Variants in PMVK observed in about 807,000 individuals in gnomAD.
The protein encoded by PMVK is phosphomevalonate kinase, also known as testis tissue sperm-binding protein Li 95mP.
PMVK carries 10 observed loss-of-function variants against 19.0 expected under a neutral mutation model. The observed-to-expected ratio is 0.53, with a 90% CI of 0.32 to 0.89. The LOEUF is 0.89. Ranked by LOEUF, PMVK falls within the 40% of genes least tolerant of loss-of-function variation. The pLI is 0.03. For synonymous variants in PMVK, 108 were observed against 101.6 expected, an observed-to-expected ratio of 1.06 and a Z score of -0.38; for missense variants, 222 against 251.1, an observed-to-expected ratio of 0.88 and a Z score of 0.78.
At chr1:154,926,752 A>T (rs1180328420) in intron 3 of PMVK, among the ~76,000 whole-genome samples, 1 of 152,198 alleles carries the variant, frequency 6.6e-6, no homozygotes, top group African/African-American at 2.4e-5. Flanking sequence ...TACGCTGGTC[A>T]CTGTGCTAGG....
Position 154,936,583 on chromosome 1 carries a change from A to C in PMVK, c.95+8T>G. 1 of 1,595,652 alleles carries C rather than the reference A, an allele frequency of 6.3e-7. No homozygotes were observed. The highest frequency in any genetic ancestry group is 8.5e-7 in the Non-Finnish European group (1 of 1,171,148). ...CTCCCCCTTCCACCTTTCCCGCCTC[A>C]CGGACACCTGCTCTGCAGCGCCTCG... On this transcript the variant is annotated splice_region_variant and intron_variant, in intron 1 of 4. Transcript: ENST00000368467.
intron 3 of PMVK, 30 bp downstream of exon 3, chr1:154,928,994 G>A (rs1404765358): frequency 6.2e-7 from 1 of 1,603,820 alleles, no homozygotes; most frequent in South Asian, 1.1e-5. Context: ...GGAAACAGGT[G>A]TTCTTCATGC....
chr1:154,936,497 G>T, intron 1 of PMVK, 94 bp downstream of exon 1: 1 of 1,520,752 alleles, frequency 6.6e-7, no homozygotes. Flanking sequence ...CGGACGACCC[G>T]TACTCCAAAG....
intron 2 of PMVK, among the ~76,000 whole-genome samples, chr1:154,930,418 G>A (rs2101969202): frequency 6.6e-6 from 1 of 152,290 alleles, no homozygotes; most frequent in South Asian, 2.1e-4. Context: ...CCAAGATCGT[G>A]CCACTGCACT....
In PMVK at chr1:154,925,076, G is replaced by A. The variant is rs1203770896; in HGVS notation, c.*53C>T. 1 of 1,464,956 alleles carries A rather than the reference G, an allele frequency of 6.8e-7. No individual in the cohort carries two copies. The highest frequency in any genetic ancestry group is 9.3e-7 in the Non-Finnish European group (1 of 1,079,988). The allele number at this position is 1,464,956 out of a possible 1,614,324, so 90.7% of individuals were successfully genotyped here. On this transcript the variant is annotated 3_prime_UTR_variant, in exon 5 of 5. Transcript: ENST00000368467. ...TCGGGGGACACCCCCATTTTGCAGAGTCAGCCCCACCCCCACCTCAGCAGG... is the reference window on the plus strand; with the variant it reads ...TCGGGGGACACCCCCATTTTGCAGAATCAGCCCCACCCCCACCTCAGCAGG...
At chr1:154,931,530 C>T (rs1654334843) in intron 2 of PMVK, among the ~76,000 whole-genome samples, 1 of 152,158 alleles carries the variant, frequency 6.6e-6, no homozygotes, top group African/African-American at 2.4e-5. Context: ...CTGTCCCCTC[C>T]CTGGGGGCAA....
intron 3 of PMVK, 70 bp from the exon 4 acceptor site, chr1:154,926,553 C>T: frequency 2.0e-6 from 3 of 1,472,502 alleles, no homozygotes; most frequent in African/African-American, 2.8e-5. Flanking sequence ...GGGAGGACTA[C>T]AGAACCCAGG....
In PMVK at chr1:154,936,680, G is replaced by A. The variant is rs1300566504; in HGVS notation, c.6C>T (p.Ala2=). 3 of 1,603,834 alleles carry A rather than the reference G, an allele frequency of 1.9e-6. No individual in the cohort carries two copies. The highest frequency in any genetic ancestry group is 2.2e-5 in the South Asian group (2 of 89,308). The change falls in exon 1 of 5, where the codon GCC becomes GCT. Residue 2 remains alanine (A), a synonymous_variant. Coordinates refer to ENST00000368467, the MANE Select transcript of PMVK (RefSeq NM_006556.4). ...CCAGCCGCGGGGCGCCTCCCAGCGG[G>A]GCCATGGGGCCGCCACGCCTCGCGA... M[A]PLGGAPRLVL...
chr1:154,941,601 G>A (rs1043281017), upstream of PMVK, among the ~76,000 whole-genome samples: 2 of 152,176 alleles, frequency 1.3e-5, no homozygotes, highest in African/African-American at 4.8e-5. Flanking sequence ...CAGCCAGCCA[G>A]TCCAGTGTGT....
At chr1:154,936,852 C>T, upstream of PMVK, 1 of 618,584 alleles carries the variant, frequency 1.6e-6, no homozygotes, top group Non-Finnish European at 2.9e-6. Context: ...ACCGTGCCCT[C>T]AGCTCATGTC....
At chr1:154,932,532 A>G in intron 1 of PMVK, 117 bp from the exon 2 acceptor site, 1 of 633,698 alleles carries the variant, frequency 1.6e-6, no homozygotes, top group Non-Finnish European at 2.7e-6. Context: ...GGTATTATGT[A>G]ACTTTGGTAG....
chr1:154,930,533 C>T lies in PMVK; in HGVS notation c.160-1357G>A, dbSNP rs566765660. Among the ~76,000 whole-genome samples the T allele has an allele frequency of 2.3e-3, 273 of 120,080 alleles. 1 individual carries two copies. Among genetic ancestry groups the T allele is most frequent in the Admixed American group, 4.3e-3 (47 of 10,806 alleles). The allele number at this position is 120,080 out of a possible 152,430, so 78.8% of individuals were successfully genotyped here. A position where few individuals can be genotyped will look rare whatever the true frequency, so the allele number is the denominator to read the frequency against. On this transcript the variant is annotated intron_variant, in intron 2 of 4. Coordinates refer to ENST00000368467, the MANE Select transcript of PMVK (RefSeq NM_006556.4). ...CTTCTTCCTCCCGCCCCCCACCCAA[C>T]CCCACCAGTCTCACTCAGTAGGACA...
Position 154,925,096 on chromosome 1 carries a change from A to ACCAG in PMVK, c.*32_*33insCTGG. On this transcript the variant is annotated 3_prime_UTR_variant, in exon 5 of 5. Coordinates refer to ENST00000368467, the MANE Select transcript of PMVK (RefSeq NM_006556.4). ...GCAGAGTCAGCCCCACCCCCACCTC[A>ACCAG]GCAGGCCCCAGCTCACTCCTAGAAC... The ACCAG allele has an allele frequency of 8.4e-7, 1 of 1,193,962 alleles. No homozygotes were observed. The highest frequency in any genetic ancestry group is 1.1e-6 in the Non-Finnish European group (1 of 937,758). The allele number at this position is 1,193,962 out of a possible 1,614,324, so 74.0% of individuals were successfully genotyped here.
chr1:154,935,336 C>T (rs554543119), intron 1 of PMVK, among the ~76,000 whole-genome samples: 11 of 152,138 alleles, frequency 7.2e-5, no homozygotes, highest in Non-Finnish European at 1.5e-4. Flanking sequence ...TACCCAAAAG[C>T]AGCTTCCTGG....
intron 1 of PMVK, among the ~76,000 whole-genome samples, chr1:154,934,961 C>A (rs980426036): frequency 2.7e-5 from 4 of 146,124 alleles, no homozygotes; most frequent in Non-Finnish European, 4.5e-5. Context: ...ACTCGGGAGG[C>A]TGAGACAGGA....
At chr1:154,935,561 TTTTTTC>T (rs1482549206) in intron 1 of PMVK, among the ~76,000 whole-genome samples, 1 of 152,222 alleles carries the variant, frequency 6.6e-6, no homozygotes, top group Non-Finnish European at 1.5e-5. Flanking sequence ...TGTTTGGGTT[TTTTTTC>T]TTTTTGTTTC....
Position 154,926,398 on chromosome 1 carries a change from G to T in PMVK, c.398C>A (p.Ala133Glu). Reference sequence around the variant, plus strand: ...CCGCTGCTGTCGGCTCTGCTCCAACGCTACAACGCGGACCGTCTGCGTCAC... The same window carrying T: ...CCGCTGCTGTCGGCTCTGCTCCAACTCTACAACGCGGACCGTCTGCGTCAC... ...GAVTQTVRVVALEQSRQQRGW... is the reference protein window; with the variant it reads ...GAVTQTVRVVELEQSRQQRGW... The change falls in exon 4 of 5, where the codon GCG (alanine) becomes GAG (glutamate). Residue 133 changes from alanine to glutamate, a missense_variant. Transcript: ENST00000368467. The T allele has an allele frequency of 6.2e-7, 1 of 1,613,710 alleles. No homozygotes were observed.
intron 2 of PMVK, among the ~76,000 whole-genome samples, chr1:154,930,966 G>C (rs1045397754): frequency 6.6e-6 from 1 of 151,680 alleles, no homozygotes; most frequent in South Asian, 2.1e-4. Context: ...GCATGCACCT[G>C]TATTCCTAGC....
chr1:154,928,798 T>G (rs1043309755), intron 3 of PMVK, among the ~76,000 whole-genome samples: 3 of 150,632 alleles, frequency 2.0e-5, no homozygotes, highest in African/African-American at 4.9e-5. Context: ...AATAAATAAA[T>G]AAATAAATAA....
Sources: gnomAD v4.1 joint callset for allele counts (sites outside exome capture counted in the v4.1 genomes callset) on GRCh38, gnomAD v4.1.1 for gene constraint, MANE v1.5 for transcripts, NCBI Gene and HGNC (gene_info 2026-07-23, HGNC 2026-07-21) for gene names.